NEB: variants seen among roughly 807,000 people sequenced by gnomAD.
NEB encodes the protein nebulin, also known as nemaline myopathy type 2.
A neutral mutation model predicts 952.2 loss-of-function variants in NEB; 512 were observed. The observed-to-expected ratio is 0.54, with a 90% CI of 0.50 to 0.58. The LOEUF (loss-of-function observed/expected upper bound fraction) is 0.58. Ranked by LOEUF, NEB falls within the 20% of genes least tolerant of loss-of-function variation. The pLI, the probability that NEB is intolerant of heterozygous loss-of-function variation, is 0.00. For missense variants in NEB, 8,428 were observed against 9,231.1 expected, an observed-to-expected ratio of 0.91 and a Z score of 3.56; for synonymous variants, 2,900 against 3,149.8, an observed-to-expected ratio of 0.92 and a Z score of 2.66.
intron 71 of NEB, among the ~76,000 whole-genome samples, chr2:151,625,004 T>C (rs893023885): frequency 1.3e-5 from 2 of 152,178 alleles, no homozygotes; most frequent in Non-Finnish European, 2.9e-5. Context: ...TTGAGCACAT[T>C]AAATACATCT....
chr2:151,687,368 C>T (rs982613588), intron 27 of NEB, 51 bp downstream of exon 27: 16 of 1,483,094 alleles, frequency 1.1e-5, no homozygotes, highest in Middle Eastern at 1.8e-4. Context: ...CCTTGGGCAT[C>T]GTAACAGGGA....
chr2:151,515,001 A>C, intron 157 of NEB, 73 bp from the exon 158 acceptor site: 1 of 890,438 alleles, frequency 1.1e-6, no homozygotes, highest in Non-Finnish European at 1.7e-6. Flanking sequence ...TCTCAGGAAG[A>C]AAAAAAAAAC....
chr2:151,681,134 G>A (rs892765989), intron 29 of NEB, among the ~76,000 whole-genome samples: 1 of 152,148 alleles, frequency 6.6e-6, no homozygotes, highest in Non-Finnish European at 1.5e-5. Flanking sequence ...GCAGAATCTG[G>A]AAACATCACA....
chr2:151,732,249 G>A (rs2099810795), intron 3 of NEB, among the ~76,000 whole-genome samples: 1 of 152,018 alleles, frequency 6.6e-6, no homozygotes. Flanking sequence ...CAGATTCATG[G>A]CACTGTATTT....
chr2:151,637,440 G>A (rs550008306), intron 63 of NEB, among the ~76,000 whole-genome samples: 3 of 152,288 alleles, frequency 2.0e-5, no homozygotes, highest in African/African-American at 7.2e-5. Flanking sequence ...GACTGTGAAC[G>A]CCTCATTCTA....
In NEB at chr2:151,493,875, A is replaced by G. The variant is rs1040110151; in HGVS notation, c.24580-8T>C. 1 of 1,506,400 alleles carries G rather than the reference A, an allele frequency of 6.6e-7. No homozygotes were observed. Among genetic ancestry groups the G allele is most frequent in the Admixed American group, 2.2e-5 (1 of 44,838 alleles). 93.3% of individuals were successfully genotyped at this position (1,506,400 alleles called of 1,614,324 possible). A position where few individuals can be genotyped will look rare whatever the true frequency, so the allele number is the denominator to read the frequency against. ...GTTCTCTTTGTATAACACCTGTGAG[A>G]TACAAAGTCATGCCCGAAAGTCACT... On this transcript the variant is annotated splice_polypyrimidine_tract_variant and splice_region_variant and intron_variant, in intron 174 of 181. Coordinates refer to ENST00000397345, the MANE Select transcript of NEB (RefSeq NM_001164508.2).
chr2:151,549,798 G>A, intron 129 of NEB, 58 bp from the exon 130 acceptor site: 6 of 1,004,686 alleles, frequency 6.0e-6, no homozygotes, highest in South Asian at 1.4e-5. Flanking sequence ...ACTGATCTGA[G>A]CTTAACAAAT....
chr2:151,634,705 G>C (rs943460735), intron 64 of NEB, among the ~76,000 whole-genome samples: 1 of 152,064 alleles, frequency 6.6e-6, no homozygotes, highest in Admixed American at 6.6e-5. Context: ...AGGATCACCT[G>C]TAGTAGCAAC....
Position 151,508,070 on chromosome 2 carries a change from A to G in NEB, c.23386T>C (p.Tyr7796His). ...TCTGGGGTGTCCAAAACAGTCTCATAATACGACATGGACTTCTCAGCATCT... is the reference window on the plus strand; with the variant it reads ...TCTGGGGTGTCCAAAACAGTCTCATGATACGACATGGACTTCTCAGCATCT... ...KEDAEKSMSY[Y>H]ETVLDTPEIQ... Residue 7796 changes from tyrosine to histidine, a missense_variant, in exon 162 of 182, where the codon TAT becomes CAT. Physicochemically the swap from Tyr to His is moderately conservative, Grantham distance 83 (BLOSUM62 2). This residue lies in a region of NEB where 3,374 missense variants were observed against 3,651.5 expected (regional missense o/e 0.92). Coordinates refer to ENST00000397345, the MANE Select transcript of NEB (RefSeq NM_001164508.2). The G allele has an allele frequency of 6.2e-7, 1 of 1,610,790 alleles. No individual in the cohort carries two copies. The highest frequency in any genetic ancestry group is 1.3e-5 in the African/African-American group (1 of 75,002).
chr2:151,541,089 G>A (rs772735034), intron 136 of NEB, among the ~76,000 whole-genome samples: 13 of 152,002 alleles, frequency 8.6e-5, no homozygotes, highest in African/African-American at 3.1e-4. Flanking sequence ...AGAAGATTCT[G>A]ATAGACCCCT....
chr2:151,561,380 T>C, intron 121 of NEB, 68 bp from the exon 122 acceptor site: 3 of 1,084,806 alleles, frequency 2.8e-6, no homozygotes, highest in Non-Finnish European at 4.1e-6. Flanking sequence ...TAGCTGCTTG[T>C]GCCAACTTAC....
rs749100154 is a variant in NEB, at chr2:151,503,466, A to C, written c.23743-25T>G. 7 of 1,505,198 alleles carry C rather than the reference A, an allele frequency of 4.7e-6. No homozygotes were observed. The African/African-American group carries it at 9.6e-5, about 21-fold the overall frequency. 93.2% of individuals were successfully genotyped at this position (1,505,198 alleles called of 1,614,324 possible). On this transcript the variant is annotated intron_variant, in intron 165 of 181. Coordinates refer to ENST00000397345, the MANE Select transcript of NEB (RefSeq NM_001164508.2). ...CCTGTAGAAAATAATTAGAATACCC[A>C]GAAAGGTAAAATGACCGTAAATCCT...
intron 48 of NEB, 122 bp from the exon 49 acceptor site, chr2:151,656,586 G>C (rs1362216376): frequency 2.2e-6 from 1 of 463,276 alleles, no homozygotes; most frequent in African/African-American, 2.5e-5. Flanking sequence ...TATTTGTATA[G>C]AGCTCTATAG....
intron 4 of NEB, 62 bp downstream of exon 4, chr2:151,729,553 A>G: frequency 6.4e-7 from 1 of 1,566,982 alleles, no homozygotes; most frequent in Non-Finnish European, 8.8e-7. Flanking sequence ...AGTCTAAGAA[A>G]GGAGAAAGCT....
intron 38 of NEB, among the ~76,000 whole-genome samples, chr2:151,669,644 G>T (rs1312236811): frequency 6.6e-6 from 1 of 152,172 alleles, no homozygotes; most frequent in African/African-American, 2.4e-5. Context: ...GCTGGAATGT[G>T]CCTGGGTAGA....
chr2:151,710,635 T>C, intron 10 of NEB, 97 bp from the exon 11 acceptor site: 8 of 743,406 alleles, frequency 1.1e-5, no homozygotes, highest in Non-Finnish European at 1.5e-5. Flanking sequence ...AAAAATATCT[T>C]CAGCAAGCCA....
chr2:151,554,476 C>T (rs2095518108), intron 125 of NEB, among the ~76,000 whole-genome samples: 1 of 152,096 alleles, frequency 6.6e-6, no homozygotes, highest in African/African-American at 2.4e-5. Flanking sequence ...GGATGATTCC[C>T]GGAGCCCAAG....
Position 151,690,825 on chromosome 2 carries a change from G to T in NEB, c.2212C>A (p.His738Asn). 1.3e-6 allele frequency: 2 copies of T among 1,562,806 alleles called. No homozygotes were observed. Among genetic ancestry groups the T allele is most frequent in the Non-Finnish European group, 1.7e-6 (2 of 1,147,562 alleles). ...TTATCTGGATGAACTTTGTAGGTAT[G>T]CTAGAAAAGAAGATGTTCTTTAATG... ...AIKKLDQCKDHTYKVHPDKTK... is the reference protein window; with the variant it reads ...AIKKLDQCKDNTYKVHPDKTK... Residue 738 changes from histidine (H) to asparagine (N), a missense_variant and splice_region_variant, in exon 24 of 182, where the codon CAT (histidine) becomes AAT (asparagine). By Grantham distance (68) the His-to-Asn change is moderately conservative. Transcript: ENST00000397345.
chr2:151,656,615 A>T (rs1052807968), intron 48 of NEB, among the ~76,000 whole-genome samples, 151 bp from the exon 49 acceptor site: 2 of 152,030 alleles, frequency 1.3e-5, no homozygotes, highest in African/African-American at 2.4e-5. Context: ...CTAATTTTTC[A>T]TATTTATTGA....
Sources: allele counts gnomAD v4.1 joint callset (sites outside exome capture counted in the v4.1 genomes callset), GRCh38; gene constraint gnomAD v4.1.1; regional missense constraint gnomAD v4.1.1; transcripts MANE v1.5; gene names NCBI Gene and HGNC (gene_info 2026-07-23, HGNC 2026-07-21).